The following SLC25A21 variants were observed in gnomAD, a reference collection of about 807,000 sequenced individuals.
SLC25A21 encodes mitochondrial 2-oxodicarboxylate carrier.
A neutral mutation model predicts 43.8 loss-of-function variants in SLC25A21; 47 were observed. The ratio of observed to expected loss-of-function variants is 1.07; its 90% CI spans 0.85 to 1.37. The LOEUF (loss-of-function observed/expected upper bound fraction) is 1.37, where lower values mean the gene tolerates loss of function less well. SLC25A21 is among the 40% of genes most tolerant of loss of function. The pLI is 0.00. For missense variants in SLC25A21, 352 were observed against 350.2 expected, an observed-to-expected ratio of 1.00 and a Z score of -0.04; for synonymous variants, 131 against 121.3, an observed-to-expected ratio of 1.08 and a Z score of -0.52.
chr14:37,070,574 T>C (rs569748716), intron 1 of SLC25A21, among the ~76,000 whole-genome samples: 1 of 152,322 alleles, frequency 6.6e-6, no homozygotes, highest in African/African-American at 2.4e-5. Flanking sequence ...ATTTAATGAT[T>C]AATTCTCCAA....
chr14:37,136,987 G>A (rs72669566), intron 1 of SLC25A21, among the ~76,000 whole-genome samples: 3,588 of 152,148 alleles, frequency 0.024, 124 homozygotes, highest in Admixed American at 0.091. Context: ...AAATCTGTAT[G>A]GCACTGACTT....
intron 1 of SLC25A21, among the ~76,000 whole-genome samples, chr14:37,117,246 AC>A (rs1384235457): frequency 6.6e-6 from 1 of 152,096 alleles, no homozygotes; most frequent in Non-Finnish European, 1.5e-5. Context: ...CATCATCTAA[AC>A]TTTTTTTCAG....
chr14:36,977,227 G>C (rs1429568062), intron 1 of SLC25A21, among the ~76,000 whole-genome samples: 2 of 151,924 alleles, frequency 1.3e-5, no homozygotes, highest in Non-Finnish European at 2.9e-5. Context: ...TTTTCGTTTT[G>C]TAATTATCGG....
At chr14:36,764,899 C>T (rs1886355993) in intron 3 of SLC25A21, among the ~76,000 whole-genome samples, 1 of 152,214 alleles carries the variant, frequency 6.6e-6, no homozygotes, top group Non-Finnish European at 1.5e-5. Flanking sequence ...AGGATCTGAA[C>T]TGGGAGGAAG....
At chr14:36,813,366 AT>A (rs5807910) in intron 3 of SLC25A21, among the ~76,000 whole-genome samples, 30 of 149,490 alleles carry the variant, frequency 2.0e-4, no homozygotes, top group African/African-American at 5.7e-4. Flanking sequence ...GGACGCATCA[AT>A]TTTTTTTTTT....
At chr14:37,000,747 T>C (rs1243885093) in intron 1 of SLC25A21, among the ~76,000 whole-genome samples, 1 of 152,132 alleles carries the variant, frequency 6.6e-6, no homozygotes, top group Non-Finnish European at 1.5e-5. Flanking sequence ...ATTTTTGTGA[T>C]GGTGAGTTTT....
At chr14:36,735,189 T>C (rs1408028049) in intron 3 of SLC25A21, among the ~76,000 whole-genome samples, 2 of 152,298 alleles carry the variant, frequency 1.3e-5, no homozygotes, top group African/African-American at 2.4e-5. Context: ...ACTCCCTTGC[T>C]GATATGTAAA....
intron 1 of SLC25A21, among the ~76,000 whole-genome samples, chr14:36,992,829 C>A (rs1215871281): frequency 1.3e-5 from 2 of 152,170 alleles, no homozygotes; most frequent in African/African-American, 4.8e-5. Context: ...TTACTGCAAT[C>A]ATTTCTTTTT....
At chr14:36,863,347 G>A (rs398946) in intron 2 of SLC25A21, among the ~76,000 whole-genome samples, 1,996 of 152,086 alleles carry the variant, frequency 0.013, 26 homozygotes, top group Non-Finnish European at 0.021. Context: ...TTAATTAGTC[G>A]AGGAAAAATA....
chr14:36,962,933 T>G (rs1409451708), intron 1 of SLC25A21, among the ~76,000 whole-genome samples: 1 of 152,212 alleles, frequency 6.6e-6, no homozygotes, highest in Non-Finnish European at 1.5e-5. Flanking sequence ...ATAGTAGGTA[T>G]GTTGTTTTGA....
chr14:36,743,158 A>C (rs924478519), intron 3 of SLC25A21, among the ~76,000 whole-genome samples: 4 of 152,196 alleles, frequency 2.6e-5, no homozygotes, highest in African/African-American at 9.7e-5. Flanking sequence ...TGAGAACCAG[A>C]ACCCTGATGG....
rs375052792 is a variant in SLC25A21 at position 37,168,019 on chromosome 14, C to T, written c.70+4262G>A. ...TGCAATTCTCTTGTCTTGATAAATCCGCTCGGTCTAGGCAGCAGGCAAGGT... is the reference window on the plus strand; with the variant it reads ...TGCAATTCTCTTGTCTTGATAAATCTGCTCGGTCTAGGCAGCAGGCAAGGT... On this transcript the variant is annotated intron_variant, in intron 1 of 9. Coordinates refer to ENST00000331299, the MANE Select transcript of SLC25A21 (RefSeq NM_030631.4). 1.2e-4 allele frequency among the ~76,000 whole-genome samples: 19 copies of T among 152,160 alleles called. No homozygotes were observed. The South Asian group carries it at 2.9e-3, about 23-fold the overall frequency.
chr14:37,151,984 G>A (rs542845038), intron 1 of SLC25A21, among the ~76,000 whole-genome samples: 3 of 152,116 alleles, frequency 2.0e-5, no homozygotes, highest in African/African-American at 7.2e-5. Flanking sequence ...GCAGTGAGCC[G>A]AGGTCACTTC....
intron 1 of SLC25A21, among the ~76,000 whole-genome samples, chr14:37,024,105 G>A (rs952548328): frequency 2.0e-5 from 3 of 152,072 alleles, no homozygotes; most frequent in East Asian, 1.9e-4. Context: ...AAAAAAATGC[G>A]AATTTGGACA....
At chr14:37,164,968 GGAAAACTTGTTTCCA>G in intron 1 of SLC25A21, among the ~76,000 whole-genome samples, 1 of 152,302 alleles carries the variant, frequency 6.6e-6, no homozygotes, top group African/African-American at 2.4e-5. Flanking sequence ...GTGCAAGATT[GGAAAACTTGTTTCCA>G]GAAAACTTTG....
chr14:36,702,561 G>A (rs894994820), intron 7 of SLC25A21, among the ~76,000 whole-genome samples: 1 of 151,610 alleles, frequency 6.6e-6, no homozygotes, highest in South Asian at 2.1e-4. Flanking sequence ...CCCCATCATG[G>A]GTCTAGATTA....
intron 1 of SLC25A21, among the ~76,000 whole-genome samples, chr14:37,022,649 C>A (rs551809716): frequency 6.6e-6 from 1 of 151,902 alleles, no homozygotes; most frequent in Non-Finnish European, 1.5e-5. Context: ...CCCAGCTCTT[C>A]GGCCTATGTG....
intron 1 of SLC25A21, among the ~76,000 whole-genome samples, chr14:37,025,002 A>G (rs544139190): frequency 2.0e-5 from 3 of 152,264 alleles, no homozygotes; most frequent in Non-Finnish European, 4.4e-5. Flanking sequence ...TTCAAAATTA[A>G]CACTGTCTAG....
At chr14:37,074,225 CTG>C (rs1398945618) in intron 1 of SLC25A21, among the ~76,000 whole-genome samples, 8 of 151,584 alleles carry the variant, frequency 5.3e-5, no homozygotes, top group African/African-American at 1.2e-4. Flanking sequence ...AAAAAAACCT[CTG>C]TTTTTATACA....
Sources: allele counts gnomAD v4.1 joint callset (sites outside exome capture counted in the v4.1 genomes callset), GRCh38; gene constraint gnomAD v4.1.1; transcripts MANE v1.5; gene names NCBI Gene and HGNC (gene_info 2026-07-23, HGNC 2026-07-21).